Variants in SCAPER observed in about 807,000 individuals in gnomAD.
SCAPER encodes the protein S phase cyclin A-associated protein in the endoplasmic reticulum.
SCAPER carries 98 observed loss-of-function variants against 182.2 expected under a neutral mutation model. The observed-to-expected ratio is 0.54, with a 90% CI of 0.46 to 0.64. The LOEUF is 0.64. Ranked by LOEUF, SCAPER falls within the 30% of genes least tolerant of loss-of-function variation. The probability of loss-of-function intolerance (pLI) is 0.00; values close to 1 mark genes in which losing one functional copy is unlikely to be tolerated. For missense variants in SCAPER, 1,432 were observed against 1,690.0 expected (o/e 0.85, Z 2.68); for synonymous variants, 605 against 564.6 (o/e 1.07, Z -1.01).
chr15:76,539,231 T>G (rs868677161), intron 23 of SCAPER, among the ~76,000 whole-genome samples: 4 of 152,180 alleles, frequency 2.6e-5, no homozygotes, highest in Non-Finnish European at 5.9e-5. Context: ...CTAGATTATT[T>G]TATGTGCTTG....
chr15:76,702,440 A>C (rs1489294513), intron 19 of SCAPER, among the ~76,000 whole-genome samples: 1 of 152,098 alleles, frequency 6.6e-6, no homozygotes, highest in East Asian at 1.9e-4. Context: ...CACTCAGCAG[A>C]TGCCTTAGCA....
chr15:76,419,897 T>C (rs2045909526), intron 26 of SCAPER, among the ~76,000 whole-genome samples: 1 of 152,100 alleles, frequency 6.6e-6, no homozygotes, highest in South Asian at 2.1e-4. Context: ...AACAAGATAC[T>C]AACAAACTAA....
Position 76,600,458 on chromosome 15 carries a change from T to A in SCAPER, c.2711+21306A>T, listed in dbSNP as rs1231777783. Among the ~76,000 whole-genome samples the A allele has an allele frequency of 4.6e-5, 5 of 109,272 alleles. 1 individual carries two copies. The highest frequency in any genetic ancestry group is 6.5e-5 in the Non-Finnish European group (3 of 46,044). The allele number at this position is 109,272 out of a possible 152,430, so 71.7% of individuals were successfully genotyped here. On this transcript the variant is annotated intron_variant, in intron 22 of 31. Coordinates refer to ENST00000563290, the MANE Select transcript of SCAPER (RefSeq NM_020843.4). ...ACATATACATATATATATATATTTT[T>A]TTTTTTTTGAGATGAAGTCTCGCTC... is the stretch of plus-strand genomic sequence containing the variant.
intron 25 of SCAPER, among the ~76,000 whole-genome samples, chr15:76,436,644 T>A (rs1435819338): frequency 6.6e-6 from 1 of 152,146 alleles, no homozygotes; most frequent in Non-Finnish European, 1.5e-5. Flanking sequence ...GTTTCTAACA[T>A]GGTCTCTGTT....
At chr15:76,362,049 T>C (rs934526280) in intron 29 of SCAPER, among the ~76,000 whole-genome samples, 7 of 151,922 alleles carry the variant, frequency 4.6e-5, no homozygotes, top group African/African-American at 1.7e-4. Context: ...CTCTGCTCAC[T>C]GCAACATCCA....
intron 24 of SCAPER, among the ~76,000 whole-genome samples, chr15:76,501,218 T>A (rs2041084643): frequency 6.6e-6 from 1 of 152,012 alleles, no homozygotes; most frequent in Non-Finnish European, 1.5e-5. Flanking sequence ...CAATGATAAC[T>A]TGAAAATAAT....
In SCAPER at chr15:76,899,415, C is replaced by T. The variant is rs532364422; in HGVS notation, c.-60+5884G>A. On this transcript the variant is annotated intron_variant, in intron 1 of 31. Transcript: ENST00000563290. Reference sequence around the variant, plus strand: ...CTGGCCTCGGATGAACTGCCCGCCTCGGCCTCCCGAGGTGCTGGGATTGCA... The same window carrying T: ...CTGGCCTCGGATGAACTGCCCGCCTTGGCCTCCCGAGGTGCTGGGATTGCA... Among the ~76,000 whole-genome samples the T allele has an allele frequency of 1.8e-3, 272 of 152,346 alleles. 1 individual carries two copies. Among genetic ancestry groups the T allele is most frequent in the Non-Finnish European group, 5.3e-4 (36 of 68,026 alleles).
At chr15:76,370,230 C>A (rs1195683253) in intron 29 of SCAPER, among the ~76,000 whole-genome samples, 1 of 150,856 alleles carries the variant, frequency 6.6e-6, no homozygotes, top group East Asian at 1.9e-4. Context: ...CTAGTATAAT[C>A]CACTTCTTTT....
intron 26 of SCAPER, among the ~76,000 whole-genome samples, chr15:76,413,620 T>TTC (rs2045449386): frequency 3.3e-5 from 5 of 152,224 alleles, no homozygotes; most frequent in Admixed American, 3.3e-4. Flanking sequence ...CAAAGGTCAG[T>TTC]TATGTTGGCT....
chr15:76,876,945 A>G (rs2073209168), intron 2 of SCAPER, among the ~76,000 whole-genome samples: 1 of 152,224 alleles, frequency 6.6e-6, no homozygotes, highest in African/African-American at 2.4e-5. Context: ...GGACATACCA[A>G]ATAGATTTGG....
At chr15:76,469,823 G>T (rs2049991823) in intron 25 of SCAPER, among the ~76,000 whole-genome samples, 1 of 152,070 alleles carries the variant, frequency 6.6e-6, no homozygotes, top group Non-Finnish European at 1.5e-5. Context: ...ATATTAAAAT[G>T]CCTGGGATAT....
intron 30 of SCAPER, among the ~76,000 whole-genome samples, chr15:76,352,713 G>C (rs1267735715): frequency 6.6e-6 from 1 of 151,876 alleles, no homozygotes. Flanking sequence ...GCCTCCCAAA[G>C]TGCTGGGATT....
chr15:76,779,462 C>A (rs1434153315), intron 8 of SCAPER, among the ~76,000 whole-genome samples: 1 of 151,984 alleles, frequency 6.6e-6, no homozygotes, highest in Non-Finnish European at 1.5e-5. Flanking sequence ...ATGGATCAAT[C>A]CCACCAAAAC....
chr15:76,873,842 T>C (rs2072959747), intron 2 of SCAPER, among the ~76,000 whole-genome samples: 2 of 152,142 alleles, frequency 1.3e-5, no homozygotes, highest in South Asian at 2.1e-4. Flanking sequence ...AAAAGAGATA[T>C]AACCTGAATA....
intron 22 of SCAPER, 52 bp downstream of exon 22, chr15:76,621,712 T>C (rs1019459462): frequency 1.4e-6 from 2 of 1,397,070 alleles, no homozygotes; most frequent in Non-Finnish European, 2.0e-6. Context: ...AGATACACTT[T>C]TGTTACAGGC....
chr15:76,511,293 C>T (rs1189221923), intron 23 of SCAPER, among the ~76,000 whole-genome samples: 8 of 152,130 alleles, frequency 5.3e-5, no homozygotes, highest in South Asian at 2.1e-4. Flanking sequence ...ATAGTAGATG[C>T]AAAAAGACAT....
At chr15:76,471,496 T>C (rs1232783484) in intron 24 of SCAPER, among the ~76,000 whole-genome samples, 161 bp from the exon 25 acceptor site, 1 of 152,180 alleles carries the variant, frequency 6.6e-6, no homozygotes, top group African/African-American at 2.4e-5. Context: ...ATCAGCTAGA[T>C]ATAAAAGCTT....
intron 20 of SCAPER, among the ~76,000 whole-genome samples, chr15:76,683,432 T>TTCA (rs2057847915): frequency 6.6e-6 from 1 of 152,066 alleles, no homozygotes; most frequent in South Asian, 2.1e-4. Flanking sequence ...AATGATGCCA[T>TTCA]GGCATCCCTG....
chr15:76,510,969 G>A (rs1031101713), intron 23 of SCAPER, among the ~76,000 whole-genome samples: 3 of 152,184 alleles, frequency 2.0e-5, no homozygotes, highest in Non-Finnish European at 2.9e-5. Flanking sequence ...GATGGGACTG[G>A]AGACTATTAT....
Sources: allele counts gnomAD v4.1 joint callset (sites outside exome capture counted in the v4.1 genomes callset), GRCh38; gene constraint gnomAD v4.1.1; transcripts MANE v1.5; gene names NCBI Gene and HGNC (gene_info 2026-07-23, HGNC 2026-07-21).